The following CCDC124 variants were observed in gnomAD, a reference collection of about 807,000 sequenced individuals.
CCDC124 encodes coiled-coil domain-containing protein 124.
CCDC124 carries 9 observed loss-of-function variants against 19.8 expected under a neutral mutation model. That is an observed-to-expected ratio of 0.45 (90% CI 0.27 to 0.79). The LOEUF (loss-of-function observed/expected upper bound fraction) is 0.79. Ranked by LOEUF, CCDC124 falls within the 30% of genes least tolerant of loss-of-function variation. The probability of loss-of-function intolerance (pLI) is 0.14; values close to 1 mark genes in which losing one functional copy is unlikely to be tolerated. For synonymous variants in CCDC124, 126 were observed against 131.3 expected (o/e 0.96, Z 0.27); for missense variants, 285 against 319.0 (o/e 0.89, Z 0.81).
At chr19:17,938,634 C>T (rs1036356966) in intron 2 of CCDC124, among the ~76,000 whole-genome samples, 1 of 152,138 alleles carries the variant, frequency 6.6e-6, no homozygotes, top group Admixed American at 6.6e-5. Flanking sequence ...CTCTGTCACC[C>T]AGACTGGAGT....
At chr19:17,935,392 G>A (rs758059821) in intron 1 of CCDC124, among the ~76,000 whole-genome samples, 3 of 152,006 alleles carry the variant, frequency 2.0e-5, no homozygotes, top group African/African-American at 7.2e-5. Context: ...TTTGCACAAC[G>A]CTGTGAATAT....
chr19:17,938,032 C>T (rs1249455827), intron 2 of CCDC124, among the ~76,000 whole-genome samples: 2 of 152,106 alleles, frequency 1.3e-5, no homozygotes, highest in African/African-American at 4.8e-5. Context: ...TGTGCCCGGC[C>T]CAGGTGTTTA....
chr19:17,936,631 T>C (rs768956464), intron 2 of CCDC124, 52 bp downstream of exon 2: 1 of 1,567,504 alleles, frequency 6.4e-7, no homozygotes, highest in South Asian at 1.2e-5. Context: ...CCAAGGCCAG[T>C]GGTCATTATG....
In CCDC124 at chr19:17,943,883, C is replaced by G. The variant is rs1208641945; in HGVS notation, c.*168C>G. ...CACCCGTCCTCCCGCCAGAGGGTCC[C>G]TGCCCCGAGTGACACCCCATCCCCT... On this transcript the variant is annotated 3_prime_UTR_variant, in exon 5 of 5. Coordinates refer to ENST00000445755, the MANE Select transcript of CCDC124 (RefSeq NM_001136203.2). 16 of 656,028 alleles carry G rather than the reference C, an allele frequency of 2.4e-5. No individual in the cohort carries two copies. Among genetic ancestry groups the G allele is most frequent in the African/African-American group, 3.6e-5 (2 of 54,864 alleles). The allele number at this position is 656,028 out of a possible 1,614,324, so 40.6% of individuals were successfully genotyped here.
intron 1 of CCDC124, among the ~76,000 whole-genome samples, chr19:17,936,002 T>C (rs2031053586): frequency 6.6e-6 from 1 of 152,180 alleles, no homozygotes; most frequent in African/African-American, 2.4e-5. Context: ...CCTCCCGGGT[T>C]CGAGCGATTC....
chr19:17,943,241 T>TCTGGCC lies in CCDC124; in HGVS notation c.350-19_350-18insTGGCCC. On this transcript the variant is annotated intron_variant, in intron 3 of 4. Coordinates refer to ENST00000445755, the MANE Select transcript of CCDC124 (RefSeq NM_001136203.2). ...CTTTGCTTATCTCTCTCTGTCTCTG[T>TCTGGCC]CACCCACCCACCCGCCCAGCCGAGA... 14 of 736,604 alleles carry TCTGGCC rather than the reference T, an allele frequency of 1.9e-5. No individual in the cohort carries two copies. Among genetic ancestry groups the TCTGGCC allele is most frequent in the East Asian group, 2.7e-5 (1 of 37,082 alleles). 45.6% of individuals were successfully genotyped at this position (736,604 alleles called of 1,614,324 possible).
Position 17,943,965 on chromosome 19 carries a change from C to T in CCDC124, c.*250C>T, listed in dbSNP as rs1246528064. ...AGGGCTGAGTGCCCAATAAAGGTGG[C>T]GGCAAGGCTGCGGTGAGGCACTTGA... On this transcript the variant is annotated 3_prime_UTR_variant, in exon 5 of 5. Coordinates refer to ENST00000445755, the MANE Select transcript of CCDC124 (RefSeq NM_001136203.2). 1.3e-5 allele frequency: 7 copies of T among 531,914 alleles called. No homozygotes were observed. Among genetic ancestry groups the T allele is most frequent in the South Asian group, 4.9e-5 (2 of 40,410 alleles). The allele number at this position is 531,914 out of a possible 1,614,324, so 32.9% of individuals were successfully genotyped here.
chr19:17,939,866 T>G (rs8110033), intron 2 of CCDC124, among the ~76,000 whole-genome samples: 99,417 of 150,276 alleles, frequency 0.66, 33,773 homozygotes, highest in African/African-American at 0.81. Context: ...CAAGTGATCC[T>G]TCCACCTCGG....
Position 17,935,675 on chromosome 19 carries a change from A to G in CCDC124, c.-11-735A>G, listed in dbSNP as rs1047767024. Among the ~76,000 whole-genome samples, 90 of 149,862 alleles carry G rather than the reference A, an allele frequency of 6.0e-4. 5 individuals are homozygous for G. The highest frequency in any genetic ancestry group is 3.3e-4 in the Admixed American group (5 of 15,082). ...CGGCTCACTGCAACCTCTGCCTCCC[A>G]GGTTCAAGCGGCTTTCCTGCCTCAG... On this transcript the variant is annotated intron_variant, in intron 1 of 4. Coordinates refer to ENST00000445755, the MANE Select transcript of CCDC124 (RefSeq NM_001136203.2).
In CCDC124 at chr19:17,943,640, G is replaced by A; in HGVS notation, c.597G>A (p.Leu199=). The change falls in exon 5 of 5, where the codon CTG becomes CTA. Residue 199 remains leucine, a synonymous_variant. Transcript: ENST00000445755. The part of the protein sequence containing the change: ...PNMRLSQLKQ[L]LKKEWLRSPD... ...TGCGGCTGTCGCAGCTGAAACAGCT[G>A]CTCAAGAAGGAGTGGCTCCGCTCTC... 1.2e-6 allele frequency: 2 copies of A among 1,612,950 alleles called. No individual in the cohort carries two copies. Among genetic ancestry groups the A allele is most frequent in the African/African-American group, 1.3e-5 (1 of 75,044 alleles).
chr19:17,935,684 C>T (rs556649645), intron 1 of CCDC124, among the ~76,000 whole-genome samples: 2 of 151,792 alleles, frequency 1.3e-5, no homozygotes, highest in East Asian at 1.9e-4. Flanking sequence ...CAGGTTCAAG[C>T]GGCTTTCCTG....
chr19:17,940,945 G>T lies in CCDC124; in HGVS notation c.160-1711G>T, dbSNP rs1672536452. Among the ~76,000 whole-genome samples, 4 of 151,890 alleles carry T rather than the reference G, an allele frequency of 2.6e-5. No homozygotes were observed. The South Asian group carries it at 8.3e-4, about 32-fold the overall frequency. ...ACCTGTAGTCCCAGCTACTCAGGAG[G>T]CTGAGGCAGGAGAATGGCATGAACC... On this transcript the variant is annotated intron_variant, in intron 2 of 4. Transcript: ENST00000445755.
chr19:17,938,911 T>C (rs1258994738), intron 2 of CCDC124, among the ~76,000 whole-genome samples: 1 of 152,140 alleles, frequency 6.6e-6, no homozygotes, highest in Non-Finnish European at 1.5e-5. Context: ...ATTGTCTTTC[T>C]GTGAAGGGGT....
At chr19:17,934,317 TG>T (rs1568437302) in intron 1 of CCDC124, among the ~76,000 whole-genome samples, 1 of 151,674 alleles carries the variant, frequency 6.6e-6, no homozygotes, top group African/African-American at 2.4e-5. Context: ...ACCGGGTGGG[TG>T]GAGGTTGCAG....
At chr19:17,940,473 C>T (rs893926569) in intron 2 of CCDC124, among the ~76,000 whole-genome samples, 2 of 152,108 alleles carry the variant, frequency 1.3e-5, no homozygotes, top group African/African-American at 4.8e-5. Flanking sequence ...GCCCATAAAA[C>T]TTTACCAAAG....
At position 17,943,769 on chromosome 19, in the gene CCDC124, C is replaced by G; in HGVS notation, c.*54C>G. 1 of 1,554,820 alleles carries G rather than the reference C, an allele frequency of 6.4e-7. No individual in the cohort carries two copies. The highest frequency in any genetic ancestry group is 2.3e-5 in the East Asian group (1 of 43,758). On this transcript the variant is annotated 3_prime_UTR_variant, in exon 5 of 5. Transcript: ENST00000445755. The stretch of plus-strand genomic sequence containing the variant: ...ACGGGTGGTCCAGGTCACGACTCTG[C>G]ACGCCCTTAGGCCAGGTCAGCTGCG...
Position 17,943,578 on chromosome 19 carries a change from G to A in CCDC124, c.535G>A (p.Ala179Thr), listed in dbSNP as rs1259571235. 9.9e-6 allele frequency: 16 copies of A among 1,612,848 alleles called. No homozygotes were observed. The highest frequency in any genetic ancestry group is 1.3e-5 in the Non-Finnish European group (15 of 1,179,956). ...MRAAFTAFEE[A>T]QLPRLKQENP... ...GGCAGCCTTCACAGCCTTTGAGGAA[G>A]CCCAGCTGCCGCGGCTCAAACAAGA... is the stretch of plus-strand genomic sequence containing the variant. Residue 179 changes from alanine (A) to threonine (T), a missense_variant, in exon 5 of 5, where the codon GCC becomes ACC. Physicochemically the swap from Ala to Thr is moderately conservative, Grantham distance 58 (BLOSUM62 0). Transcript: ENST00000445755.
chr19:17,934,192 C>T lies in CCDC124; in HGVS notation c.-12+1144C>T, dbSNP rs183442038. On this transcript the variant is annotated intron_variant, in intron 1 of 4. Coordinates refer to ENST00000445755, the MANE Select transcript of CCDC124 (RefSeq NM_001136203.2). ...TACAAAAATCAGATAGGCATGGTGGCACATGCCAACATGGTGAAACCCCAT... is the reference window on the plus strand; with the variant it reads ...TACAAAAATCAGATAGGCATGGTGGTACATGCCAACATGGTGAAACCCCAT... 7.8e-3 allele frequency among the ~76,000 whole-genome samples: 1,188 copies of T among 151,710 alleles called. 10 individuals carry two copies. Among genetic ancestry groups the T allele is most frequent in the Non-Finnish European group, 0.012 (848 of 68,004 alleles).
chr19:17,938,901 A>G (rs982947440), intron 2 of CCDC124, among the ~76,000 whole-genome samples: 2 of 151,858 alleles, frequency 1.3e-5, no homozygotes, highest in African/African-American at 4.8e-5. Context: ...CTGGCCTCCC[A>G]TTGTCTTTCT....
Sources: allele counts gnomAD v4.1 joint callset (sites outside exome capture counted in the v4.1 genomes callset), GRCh38; gene constraint gnomAD v4.1.1; transcripts MANE v1.5; gene names NCBI Gene and HGNC (gene_info 2026-07-23, HGNC 2026-07-21).